Variants in DEPDC5 observed in about 807,000 individuals in gnomAD.
DEPDC5 encodes the protein GATOR1 complex protein DEPDC5.
DEPDC5 carries 73 observed loss-of-function variants against 217.3 expected under a neutral mutation model. The observed-to-expected ratio is 0.34, with a 90% CI of 0.28 to 0.41. DEPDC5 has a LOEUF of 0.41. Ranked by LOEUF, DEPDC5 falls within the 10% of genes least tolerant of loss-of-function variation. DEPDC5 has a pLI of 1.00. For missense variants in DEPDC5, 1,675 were observed against 2,070.1 expected (o/e 0.81, Z 3.70); for synonymous variants, 733 against 756.7 (o/e 0.97, Z 0.51).
At chr22:31,787,874 T>G (rs543085475) in intron 10 of DEPDC5, among the ~76,000 whole-genome samples, 1 of 150,912 alleles carries the variant, frequency 6.6e-6, no homozygotes, top group African/African-American at 2.4e-5. Context: ...GAGAAAATAT[T>G]ATTTGCAAAT....
intron 14 of DEPDC5, 118 bp from the exon 15 acceptor site, chr22:31,802,586 G>C: frequency 1.7e-6 from 2 of 1,165,622 alleles, no homozygotes; most frequent in South Asian, 3.6e-5. Flanking sequence ...ACTAGAATGT[G>C]GCAGTTGCTA....
chr22:31,777,893 A>G (rs373741474), intron 7 of DEPDC5: 3 of 556,572 alleles, frequency 5.4e-6, no homozygotes, highest in African/African-American at 3.8e-5. Context: ...GACTACAGGC[A>G]TGTGTCACCA....
At chr22:31,901,941 C>A (rs2093655614) in intron 41 of DEPDC5, 139 bp downstream of exon 41, 1 of 727,482 alleles carries the variant, frequency 1.4e-6, no homozygotes, top group South Asian at 1.6e-5. Flanking sequence ...TGCTTATCTC[C>A]AACAGGACTC....
chr22:31,794,757 G>A (rs375978788), intron 12 of DEPDC5, among the ~76,000 whole-genome samples: 7 of 151,940 alleles, frequency 4.6e-5, no homozygotes, highest in East Asian at 3.9e-4. Context: ...GCAGTGGTGC[G>A]CGCCTGTAGT....
intron 2 of DEPDC5, chr22:31,757,568 G>T (rs2082038510): frequency 6.6e-6 from 1 of 152,154 alleles, no homozygotes; most frequent in Non-Finnish European, 1.5e-5. Flanking sequence ...TGTTGGGTCT[G>T]ATTATATTTG....
chr22:31,879,107 CATATATATACACAT>C lies in DEPDC5; in HGVS notation c.3806-406_3806-393del, dbSNP rs919756251. Among the ~76,000 whole-genome samples the C allele has an allele frequency of 1.2e-4, 15 of 122,772 alleles. No homozygotes were observed. In the East Asian group the frequency reaches 2.0e-3, roughly 16 times the overall value. The allele number at this position is 122,772 out of a possible 152,430, so 80.5% of individuals were successfully genotyped here. A position where few individuals can be genotyped will look rare whatever the true frequency, so the allele number is the denominator to read the frequency against. ...GTATATATATATACACATATATATA[CATATATATACACAT>C]ATATATATACATATATATTTTTAAT... is the stretch of plus-strand genomic sequence containing the variant. On this transcript the variant is annotated intron_variant, in intron 37 of 42. Transcript: ENST00000651528.
At chr22:31,844,816 A>G in intron 29 of DEPDC5, 2 of 570,794 alleles carry the variant, frequency 3.5e-6, no homozygotes, top group Non-Finnish European at 6.0e-6. Context: ...CGGCCTCCCA[A>G]AGTGCTGGGA....
intron 33 of DEPDC5, among the ~76,000 whole-genome samples, chr22:31,866,959 A>C (rs1252019497): frequency 6.6e-6 from 1 of 152,224 alleles, no homozygotes; most frequent in Non-Finnish European, 1.5e-5. Flanking sequence ...TCTACTATGA[A>C]GTTACTATGT....
chr22:31,894,506 C>T (rs1437238341), intron 39 of DEPDC5: 3 of 152,070 alleles, frequency 2.0e-5, no homozygotes, highest in African/African-American at 7.2e-5. Flanking sequence ...CTGCTTTGAA[C>T]TCAGTGGTTC....
chr22:31,813,436 C>T (rs772302788), intron 20 of DEPDC5, among the ~76,000 whole-genome samples: 1 of 152,118 alleles, frequency 6.6e-6, no homozygotes, highest in Non-Finnish European at 1.5e-5. Context: ...TAAATATTTA[C>T]TGTGGAAAGA....
At chr22:31,776,639 C>T (rs968403670) in intron 7 of DEPDC5, among the ~76,000 whole-genome samples, 5 of 140,584 alleles carry the variant, frequency 3.6e-5, no homozygotes, top group Admixed American at 7.7e-5. Flanking sequence ...TGCAATAACA[C>T]GATCTTGGCT....
chr22:31,835,423 G>A (rs1025326238), intron 25 of DEPDC5, among the ~76,000 whole-genome samples: 4 of 152,170 alleles, frequency 2.6e-5, no homozygotes, highest in African/African-American at 9.7e-5. Context: ...TCTTTTCCTA[G>A]AGACAGAACA....
At chr22:31,872,834 AC>A (rs1329768397) in intron 34 of DEPDC5, among the ~76,000 whole-genome samples, 2 of 151,738 alleles carry the variant, frequency 1.3e-5, no homozygotes, top group Admixed American at 1.3e-4. Flanking sequence ...AGCTCACTGC[AC>A]CCTCCACCTC....
At chr22:31,857,587 G>C (rs1201947472) in intron 32 of DEPDC5, 34 bp downstream of exon 32, 1 of 1,551,818 alleles carries the variant, frequency 6.4e-7, no homozygotes. Flanking sequence ...GAGCTGTTCT[G>C]TGCTCTCAGA....
intron 10 of DEPDC5, among the ~76,000 whole-genome samples, chr22:31,789,649 C>T (rs1223015526): frequency 1.3e-5 from 2 of 152,116 alleles, no homozygotes; most frequent in African/African-American, 4.8e-5. Flanking sequence ...GATTATCTCA[C>T]CTTGATTTCA....
intron 24 of DEPDC5, among the ~76,000 whole-genome samples, chr22:31,827,802 C>G (rs2090271423): frequency 1.3e-5 from 2 of 152,186 alleles, no homozygotes; most frequent in Admixed American, 1.3e-4. Context: ...TGTGCCTTTA[C>G]TCCAGAGAGC....
At chr22:31,770,121 C>T (rs1286504133) in intron 7 of DEPDC5, among the ~76,000 whole-genome samples, 6 of 149,258 alleles carry the variant, frequency 4.0e-5, no homozygotes, top group African/African-American at 1.5e-4. Flanking sequence ...GTAGTCCCAG[C>T]TACTCAGGAG....
intron 7 of DEPDC5, among the ~76,000 whole-genome samples, chr22:31,776,297 C>T (rs992128269): frequency 2.6e-5 from 4 of 151,612 alleles, no homozygotes; most frequent in African/African-American, 7.3e-5. Context: ...TTTTTTATAG[C>T]GACAGGGTCT....
intron 35 of DEPDC5, 144 bp downstream of exon 35, chr22:31,873,476 T>C: frequency 1.3e-6 from 1 of 786,724 alleles, no homozygotes; most frequent in Non-Finnish European, 1.9e-6. Context: ...TTGACCTCTC[T>C]GAGCCTCTGT....
Sources: allele counts gnomAD v4.1 joint callset (sites outside exome capture counted in the v4.1 genomes callset), GRCh38; gene constraint gnomAD v4.1.1; transcripts MANE v1.5; gene names NCBI Gene and HGNC (gene_info 2026-07-23, HGNC 2026-07-21).